The following SLC44A1 variants were observed in gnomAD, a reference collection of about 807,000 sequenced individuals.
SLC44A1 encodes the protein choline transporter-like protein 1.
Under a neutral mutation model 79.3 loss-of-function variants are expected in SLC44A1, and 26 were observed. The observed-to-expected ratio is 0.33, with a 90% CI of 0.24 to 0.46. The LOEUF is 0.46. Ranked by LOEUF, SLC44A1 falls within the 20% of genes least tolerant of loss-of-function variation. The pLI, the probability that SLC44A1 is intolerant of heterozygous loss-of-function variation, is 1.00. For missense variants in SLC44A1, 688 were observed against 798.1 expected, an observed-to-expected ratio of 0.86 and a Z score of 1.66; for synonymous variants, 263 against 286.2, an observed-to-expected ratio of 0.92 and a Z score of 0.82.
At chr9:105,417,214 C>G (rs1271303459) in intron 15 of SLC44A1, among the ~76,000 whole-genome samples, 1 of 152,152 alleles carries the variant, frequency 6.6e-6, no homozygotes, top group Non-Finnish European at 1.5e-5. Context: ...TTCCTAGAAC[C>G]TGAGGCATGA....
Position 105,393,272 on chromosome 9 carries a change from T to C in SLC44A1, c.*4216T>C. 1 of 985,486 alleles carries C rather than the reference T, an allele frequency of 1.0e-6. No individual in the cohort carries two copies. Among genetic ancestry groups the C allele is most frequent in the Non-Finnish European group, 1.2e-6 (1 of 829,926 alleles). The allele number at this position is 985,486 out of a possible 1,614,324, so 61.0% of individuals were successfully genotyped here. ...AGCCCTTTTGAAAAGTAGGCACTAT[T>C]CATACACAGTAGCTTCTTGGAATTA... On this transcript the variant is annotated 3_prime_UTR_variant, in exon 16 of 16. Transcript: ENST00000374720.
Position 105,392,520 on chromosome 9 carries a change from GT to G in SLC44A1, c.*3468del. 1.0e-6 allele frequency: 1 copy of G among 981,722 alleles called. No individual in the cohort carries two copies. Among genetic ancestry groups the G allele is most frequent in the Non-Finnish European group, 1.2e-6 (1 of 829,572 alleles). The allele number at this position is 981,722 out of a possible 1,614,324, so 60.8% of individuals were successfully genotyped here. Reference sequence around the variant, plus strand: ...AGGGCTTCCTTGCCTTCCCTGGGCAGTTTTAGGATTTCACCCTAGTAGGGGG... The same window carrying G: ...AGGGCTTCCTTGCCTTCCCTGGGCAGTTTAGGATTTCACCCTAGTAGGGGG... On this transcript the variant is annotated 3_prime_UTR_variant, in exon 16 of 16. Transcript: ENST00000374720.
At chr9:105,350,065 T>G (rs1827357734) in intron 5 of SLC44A1, among the ~76,000 whole-genome samples, 1 of 152,206 alleles carries the variant, frequency 6.6e-6, no homozygotes, top group African/African-American at 2.4e-5. Flanking sequence ...CAGAAATGGC[T>G]TCTAACAAGG....
At position 105,390,690 on chromosome 9, in the gene SLC44A1, T is replaced by A. The variant is rs1264351976; in HGVS notation, c.*1634T>A. The A allele has an allele frequency of 1.0e-6, 1 of 985,538 alleles. No homozygotes were observed. The highest frequency in any genetic ancestry group is 6.2e-5 in the Admixed American group (1 of 16,254). The allele number at this position is 985,538 out of a possible 1,614,324, so 61.0% of individuals were successfully genotyped here. A position where few individuals can be genotyped will look rare whatever the true frequency, so the allele number is the denominator to read the frequency against. On this transcript the variant is annotated 3_prime_UTR_variant, in exon 16 of 16. Coordinates refer to ENST00000374720, the MANE Select transcript of SLC44A1 (RefSeq NM_080546.5). ...TTGGTGTTCTTTACTCTAGCTAGGCTAAAATTTGCTAAATGCCTTGGTTTC... is the reference window on the plus strand; with the variant it reads ...TTGGTGTTCTTTACTCTAGCTAGGCAAAAATTTGCTAAATGCCTTGGTTTC...
At chr9:105,438,329 G>C in exon 16 of SLC44A1, 1 of 1,545,186 alleles carries the variant, frequency 6.5e-7, no homozygotes, top group Non-Finnish European at 8.8e-7. Context: ...TGAACTCAGA[G>C]GAGGTTGTTT....
chr9:105,258,626 A>G (rs889650747), intron 1 of SLC44A1, among the ~76,000 whole-genome samples: 10 of 152,124 alleles, frequency 6.6e-5, no homozygotes, highest in African/African-American at 2.4e-4. Context: ...GATTGAATGT[A>G]CCTTAGATAC....
chr9:105,281,321 T>A (rs749423310), intron 1 of SLC44A1, among the ~76,000 whole-genome samples: 2 of 152,242 alleles, frequency 1.3e-5, no homozygotes, highest in Non-Finnish European at 2.9e-5. Flanking sequence ...ATGATATTCT[T>A]GGCAGTGGCA....
At chr9:105,361,027 C>G (rs2131408090) in intron 7 of SLC44A1, among the ~76,000 whole-genome samples, 164 bp from the exon 8 acceptor site, 1 of 152,328 alleles carries the variant, frequency 6.6e-6, no homozygotes, top group African/African-American at 2.4e-5. Context: ...TGGACACTTT[C>G]TTTATGCTGG....
Position 105,244,921 on chromosome 9 carries a change from T to TCCCGGCCG in SLC44A1, c.36+22_36+29dup. 1 of 1,174,398 alleles carries TCCCGGCCG rather than the reference T, an allele frequency of 8.5e-7. No homozygotes were observed. The highest frequency in any genetic ancestry group is 1.1e-6 in the Non-Finnish European group (1 of 951,344). The allele number at this position is 1,174,398 out of a possible 1,614,324, so 72.7% of individuals were successfully genotyped here. On this transcript the variant is annotated intron_variant, in intron 1 of 15. Transcript: ENST00000374720. ...GCCGCGCAGGTGAGGGGCTCCCGCCTCCCGGCCGCCCGCCCGGATGCCTCC... is the reference window on the plus strand; with the variant it reads ...GCCGCGCAGGTGAGGGGCTCCCGCCTCCCGGCCGCCCGGCCGCCCGCCCGGATGCCTCC...
chr9:105,376,770 A>G (rs1308662750), intron 13 of SLC44A1, among the ~76,000 whole-genome samples: 1 of 152,236 alleles, frequency 6.6e-6, no homozygotes, highest in African/African-American at 2.4e-5. Flanking sequence ...ACTCTGATTA[A>G]GATACTTTGG....
At chr9:105,331,813 G>C (rs911152204) in intron 3 of SLC44A1, among the ~76,000 whole-genome samples, 1 of 152,216 alleles carries the variant, frequency 6.6e-6, no homozygotes, top group African/African-American at 2.4e-5. Flanking sequence ...CTCAGAATCA[G>C]AGGTACTATG....
intron 1 of SLC44A1, among the ~76,000 whole-genome samples, chr9:105,279,680 G>A (rs2131250272): frequency 1.3e-5 from 2 of 152,300 alleles, no homozygotes; most frequent in South Asian, 4.1e-4. Context: ...GTACTCGACA[G>A]TGATACAGTA....
At chr9:105,405,282 C>T (rs1429649985) in intron 15 of SLC44A1, among the ~76,000 whole-genome samples, 1 of 150,906 alleles carries the variant, frequency 6.6e-6, no homozygotes, top group Non-Finnish European at 1.5e-5. Flanking sequence ...GAATGTGCCA[C>T]TGCACTCCAG....
In SLC44A1 at chr9:105,436,939, A is replaced by G. The variant is rs1164724984; in HGVS notation, c.1951-1342A>G. ...ATGTATCAGATCTTCACCTGACTTCATTTGATATCTGAATCATAGAACTAT... is the reference window on the plus strand; with the variant it reads ...ATGTATCAGATCTTCACCTGACTTCGTTTGATATCTGAATCATAGAACTAT... On this transcript the variant is annotated intron_variant, in intron 15 of 15. Coordinates refer to the SLC44A1 transcript ENST00000374724. Among the ~76,000 whole-genome samples, 6 of 152,294 alleles carry G rather than the reference A, an allele frequency of 3.9e-5. No homozygotes were observed. In the East Asian group the frequency reaches 1.2e-3, roughly 29 times the overall value.
chr9:105,327,317 C>G (rs914583626), intron 3 of SLC44A1, among the ~76,000 whole-genome samples: 1 of 152,100 alleles, frequency 6.6e-6, no homozygotes, highest in Admixed American at 6.6e-5. Flanking sequence ...GAGTCTCACT[C>G]TGTCACCCAG....
intron 3 of SLC44A1, among the ~76,000 whole-genome samples, chr9:105,313,740 A>G (rs1426392137): frequency 6.6e-6 from 1 of 152,068 alleles, no homozygotes; most frequent in Non-Finnish European, 1.5e-5. Context: ...TGTCAATTTT[A>G]GATAAAAAAT....
rs894811489 is a variant in SLC44A1 at position 105,404,265 on chromosome 9, G to A, written c.1950+18763G>A. 1.0e-4 allele frequency among the ~76,000 whole-genome samples: 15 copies of A among 149,972 alleles called. 1 individual carries two copies. The highest frequency in any genetic ancestry group is 9.8e-4 in the East Asian group (5 of 5,120). ...AAAAAAAAAAAAAAAAGAATGGAGA[G>A]AAAGGGATATATTTAAAAGCTAATG... On this transcript the variant is annotated intron_variant, in intron 15 of 15. Transcript: ENST00000374724.
rs1464572834 is a variant in SLC44A1 at position 105,395,040 on chromosome 9, G to T, written c.*5984G>T. 1.0e-6 allele frequency: 1 copy of T among 985,268 alleles called. No individual in the cohort carries two copies. The allele number at this position is 985,268 out of a possible 1,614,324, so 61.0% of individuals were successfully genotyped here. ...AAAAGCAGGCAGAAACTCATCAAGGGGTTTGAAGTTCTTGTGAAATTTGAT... is the reference window on the plus strand; with the variant it reads ...AAAAGCAGGCAGAAACTCATCAAGGTGTTTGAAGTTCTTGTGAAATTTGAT... On this transcript the variant is annotated 3_prime_UTR_variant, in exon 16 of 16. Coordinates refer to ENST00000374720, the MANE Select transcript of SLC44A1 (RefSeq NM_080546.5).
At chr9:105,366,777 A>G (rs972194358) in intron 12 of SLC44A1, among the ~76,000 whole-genome samples, 1 of 152,022 alleles carries the variant, frequency 6.6e-6, no homozygotes, top group African/African-American at 2.4e-5. Flanking sequence ...ACATTCCTTC[A>G]TTTTTTAAGT....
Sources: allele counts gnomAD v4.1 joint callset (sites outside exome capture counted in the v4.1 genomes callset), GRCh38; gene constraint gnomAD v4.1.1; transcripts MANE v1.5; gene names NCBI Gene and HGNC (gene_info 2026-07-23, HGNC 2026-07-21).